The following PPP4R2 variants were observed in gnomAD, a reference collection of about 807,000 sequenced individuals.
PPP4R2 encodes serine/threonine-protein phosphatase 4 regulatory subunit 2.
Under a neutral mutation model 47.2 loss-of-function variants are expected in PPP4R2, and 13 were observed. The ratio of observed to expected loss-of-function variants is 0.28; its 90% CI spans 0.18 to 0.44. The LOEUF (loss-of-function observed/expected upper bound fraction) is 0.44, where lower values mean the gene tolerates loss of function less well. PPP4R2 is among the 20% of genes least tolerant of loss of function. The probability of loss-of-function intolerance (pLI) is 1.00; values close to 1 mark genes in which losing one functional copy is unlikely to be tolerated. For missense variants in PPP4R2, 421 were observed against 491.2 expected (o/e 0.86, Z 1.35); for synonymous variants, 151 against 163.3 (o/e 0.92, Z 0.57).
At chr3:73,042,375 T>G (rs1035772328) in intron 2 of PPP4R2, among the ~76,000 whole-genome samples, 5 of 144,376 alleles carry the variant, frequency 3.5e-5, no homozygotes, top group Non-Finnish European at 7.5e-5. Context: ...TTTTTTTTTT[T>G]TTTTTTTGAG....
intron 2 of PPP4R2, among the ~76,000 whole-genome samples, chr3:73,040,909 A>G (rs1702365786): frequency 6.6e-6 from 1 of 152,186 alleles, no homozygotes; most frequent in South Asian, 2.1e-4. Flanking sequence ...CCATGCAAAT[A>G]CCCGTAGTGA....
chr3:73,041,474 T>G (rs1402391264), intron 2 of PPP4R2, among the ~76,000 whole-genome samples: 3 of 152,284 alleles, frequency 2.0e-5, no homozygotes, highest in African/African-American at 7.2e-5. Context: ...ACTGAATTAT[T>G]TGACATTTTA....
intron 2 of PPP4R2, among the ~76,000 whole-genome samples, chr3:73,045,526 A>T (rs1306034666): frequency 6.5e-5 from 9 of 139,410 alleles, no homozygotes; most frequent in Non-Finnish European, 9.2e-5. Context: ...CATTCTCCTA[A>T]TTTTTTTTTT....
At chr3:72,998,532 T>C (rs754950672) in intron 2 of PPP4R2, among the ~76,000 whole-genome samples, 55 of 152,226 alleles carry the variant, frequency 3.6e-4, no homozygotes, top group Non-Finnish European at 6.6e-4. Flanking sequence ...TTTCAGAGTC[T>C]TGGTGGTATT....
At chr3:73,049,818 TTTC>T (rs1168662727) in intron 3 of PPP4R2, among the ~76,000 whole-genome samples, 1 of 151,402 alleles carries the variant, frequency 6.6e-6, no homozygotes, top group Non-Finnish European at 1.5e-5. Flanking sequence ...ATATTTGTAA[TTTC>T]TTAATCTGTA....
intron 1 of PPP4R2, 116 bp downstream of exon 1, chr3:72,997,187 C>T: frequency 7.8e-6 from 6 of 765,780 alleles, no homozygotes; most frequent in Admixed American, 4.3e-5. Context: ...GAGAGTGCTT[C>T]CCGGGCTCCC....
At chr3:73,021,187 T>C (rs1005242039) in intron 2 of PPP4R2, among the ~76,000 whole-genome samples, 1 of 151,600 alleles carries the variant, frequency 6.6e-6, no homozygotes, top group Non-Finnish European at 1.5e-5. Context: ...TTAAAAAGAG[T>C]AGGAAGGAGA....
At chr3:73,048,416 G>A (rs994142066) in intron 3 of PPP4R2, among the ~76,000 whole-genome samples, 3 of 151,880 alleles carry the variant, frequency 2.0e-5, no homozygotes, top group South Asian at 4.2e-4. Flanking sequence ...CACGGTGCTC[G>A]GCTAATTTTT....
intron 2 of PPP4R2, among the ~76,000 whole-genome samples, chr3:73,045,391 A>T (rs1702461036): frequency 6.6e-6 from 1 of 152,190 alleles, no homozygotes; most frequent in South Asian, 2.1e-4. Flanking sequence ...TGAAGAATAA[A>T]AATTGTCCAG....
At chr3:73,005,144 T>C (rs930330397) in intron 2 of PPP4R2, among the ~76,000 whole-genome samples, 1 of 152,092 alleles carries the variant, frequency 6.6e-6, no homozygotes, top group African/African-American at 2.4e-5. Flanking sequence ...GGTTTCACCA[T>C]ATTGGCCAGG....
In PPP4R2 at chr3:73,066,365, A is replaced by G. The variant is rs963219031; in HGVS notation, c.*643A>G. The stretch of plus-strand genomic sequence containing the variant: ...ATTGAGTTCACCTCTTTCAGAAGAC[A>G]TTTTCTTTCTCTTCTGAGTAATTGA... On this transcript the variant is annotated 3_prime_UTR_variant, in exon 9 of 9. Transcript: ENST00000356692. 3 of 151,582 alleles carry G rather than the reference A, an allele frequency of 2.0e-5. No individual in the cohort carries two copies. Among genetic ancestry groups the G allele is most frequent in the African/African-American group, 4.8e-5 (2 of 41,324 alleles). 9.4% of individuals were successfully genotyped at this position (151,582 alleles called of 1,614,324 possible).
chr3:73,017,195 A>G (rs1368781217), intron 2 of PPP4R2, among the ~76,000 whole-genome samples: 1 of 152,164 alleles, frequency 6.6e-6, no homozygotes, highest in African/African-American at 2.4e-5. Flanking sequence ...CTGGGATTAC[A>G]GACATCAGCC....
At chr3:73,003,944 C>A (rs1159545507) in intron 2 of PPP4R2, among the ~76,000 whole-genome samples, 1 of 152,192 alleles carries the variant, frequency 6.6e-6, no homozygotes, top group African/African-American at 2.4e-5. Context: ...AGGTGATCTG[C>A]CTGTCTTGGC....
intron 2 of PPP4R2, among the ~76,000 whole-genome samples, chr3:73,018,024 G>A (rs749363856): frequency 2.0e-5 from 3 of 152,134 alleles, no homozygotes; most frequent in Non-Finnish European, 4.4e-5. Flanking sequence ...GACACTGGGC[G>A]TGCAGATACA....
intron 2 of PPP4R2, among the ~76,000 whole-genome samples, chr3:73,016,776 A>AC (rs1701844639): frequency 1.2e-5 from 1 of 85,102 alleles, no homozygotes; most frequent in Admixed American, 1.2e-4. Context: ...TCACTCTGTC[A>AC]CCCATTCTGT....
chr3:73,022,640 T>C (rs1275823698), intron 2 of PPP4R2, among the ~76,000 whole-genome samples: 2 of 152,186 alleles, frequency 1.3e-5, no homozygotes, highest in East Asian at 3.8e-4. Context: ...TCCTATAATA[T>C]CTTTGCTACC....
chr3:73,015,383 G>GCCATCC (rs1701804858), intron 2 of PPP4R2, among the ~76,000 whole-genome samples: 1 of 151,802 alleles, frequency 6.6e-6, no homozygotes, highest in East Asian at 1.9e-4. Context: ...TGCCATGTTG[G>GCCATCC]CCATGCTGGT....
intron 2 of PPP4R2, among the ~76,000 whole-genome samples, chr3:73,033,089 GA>G (rs1559557248): frequency 2.0e-5 from 3 of 152,140 alleles, no homozygotes; most frequent in Non-Finnish European, 4.4e-5. Flanking sequence ...CAGTATTCTA[GA>G]TACCATATCA....
Position 72,996,854 on chromosome 3 carries a change from C to A in PPP4R2, c.-184C>A. 4.9e-6 allele frequency: 2 copies of A among 405,904 alleles called. No homozygotes were observed. The highest frequency in any genetic ancestry group is 8.8e-6 in the Non-Finnish European group (2 of 228,314). 25.1% of individuals were successfully genotyped at this position (405,904 alleles called of 1,614,324 possible). A position where few individuals can be genotyped will look rare whatever the true frequency, so the allele number is the denominator to read the frequency against. On this transcript the variant is annotated 5_prime_UTR_variant, in exon 1 of 9. Coordinates refer to ENST00000356692, the MANE Select transcript of PPP4R2 (RefSeq NM_174907.4). ...TTGGTGGTAGCGGCTTGGGGAGGTGCTCGCTCTGTCGGTCTTGCTCTCTCG... is the reference window on the plus strand; with the variant it reads ...TTGGTGGTAGCGGCTTGGGGAGGTGATCGCTCTGTCGGTCTTGCTCTCTCG...
Sources: gnomAD v4.1 joint callset for allele counts (sites outside exome capture counted in the v4.1 genomes callset) on GRCh38, gnomAD v4.1.1 for gene constraint, MANE v1.5 for transcripts, NCBI Gene and HGNC (gene_info 2026-07-23, HGNC 2026-07-21) for gene names.